MAP4: variants seen among roughly 807,000 people sequenced by gnomAD.
MAP4 encodes the protein microtubule associated protein 4.
In MAP4, 76 loss-of-function variants were observed where a neutral mutation model predicts 170.2. The ratio of observed to expected loss-of-function variants is 0.45; its 90% CI spans 0.37 to 0.54. The LOEUF (loss-of-function observed/expected upper bound fraction) is 0.54, where lower values mean the gene tolerates loss of function less well. MAP4 is among the 20% of genes least tolerant of loss of function. MAP4 has a pLI of 0.00. For missense variants in MAP4, 2,506 were observed against 2,748.0 expected, an observed-to-expected ratio of 0.91 and a Z score of 1.97; for synonymous variants, 909 against 994.5, an observed-to-expected ratio of 0.91 and a Z score of 1.62.
chr3:47,889,366 C>T (rs970181551), intron 10 of MAP4, among the ~76,000 whole-genome samples: 12 of 152,210 alleles, frequency 7.9e-5, no homozygotes, highest in Non-Finnish European at 1.5e-5. Context: ...TTCCAAGGCC[C>T]ACCTCAAATG....
At position 48,069,981 on chromosome 3, in the gene MAP4, A is replaced by T. The variant is rs1006958546; in HGVS notation, c.-20+18792T>A. Among the ~76,000 whole-genome samples, 20 of 151,660 alleles carry T rather than the reference A, an allele frequency of 1.3e-4. 1 individual carries two copies. The highest frequency in any genetic ancestry group is 5.3e-4 in the Admixed American group (8 of 15,154). On this transcript the variant is annotated intron_variant, in intron 1 of 18. Coordinates refer to the MAP4 transcript ENST00000360240. ...AAACTAGCAATATTAGTGAAAAAAA[A>T]TTTTTTTTCTGAGACAGGGTCTCAC... is the stretch of plus-strand genomic sequence containing the variant.
intron 3 of MAP4, among the ~76,000 whole-genome samples, chr3:47,962,450 G>A (rs559157506): frequency 1.5e-3 from 234 of 152,248 alleles, no homozygotes; most frequent in Middle Eastern, 3.4e-3. Context: ...GGGCAGGGTG[G>A]GGGAGGGGCG....
chr3:47,853,509 C>T (rs1018889676), intron 19 of MAP4, among the ~76,000 whole-genome samples, 157 bp from the exon 20 acceptor site: 7 of 151,754 alleles, frequency 4.6e-5, no homozygotes, highest in African/African-American at 7.3e-5. Context: ...GCAGGTGCCC[C>T]GGCCCCACCC....
At chr3:47,863,890 C>T (rs866406299) in intron 17 of MAP4, among the ~76,000 whole-genome samples, 4 of 140,942 alleles carry the variant, frequency 2.8e-5, no homozygotes, top group Admixed American at 7.1e-5. Context: ...GTGGTAACTG[C>T]GTTATTTCTG....
At chr3:47,870,443 T>G (rs1298433771) in intron 15 of MAP4, among the ~76,000 whole-genome samples, 3 of 152,178 alleles carry the variant, frequency 2.0e-5, no homozygotes, top group African/African-American at 7.2e-5. Flanking sequence ...ACATTCTCTG[T>G]GCAGGCTAAG....
At chr3:48,067,087 A>G (rs2100138706) in intron 1 of MAP4, among the ~76,000 whole-genome samples, 3 of 151,480 alleles carry the variant, frequency 2.0e-5, no homozygotes, top group Non-Finnish European at 4.4e-5. Flanking sequence ...TAATCCGCCC[A>G]CCTTAGCCTC....
chr3:48,024,625 C>A (rs926094222), intron 1 of MAP4, among the ~76,000 whole-genome samples: 1 of 152,128 alleles, frequency 6.6e-6, no homozygotes, highest in African/African-American at 2.4e-5. Flanking sequence ...TACATGACAG[C>A]CACAGGCTAA....
At chr3:48,064,485 C>T (rs920440487) in intron 1 of MAP4, among the ~76,000 whole-genome samples, 1 of 152,070 alleles carries the variant, frequency 6.6e-6, no homozygotes, top group Admixed American at 6.6e-5. Flanking sequence ...CACAAATTCT[C>T]GGACAGACTG....
chr3:47,896,831 A>G (rs966612735), intron 10 of MAP4, among the ~76,000 whole-genome samples: 2 of 152,246 alleles, frequency 1.3e-5, no homozygotes, highest in African/African-American at 4.8e-5. Flanking sequence ...AGGAAAGTAA[A>G]TAACCTATTC....
Position 47,872,972 on chromosome 3 carries a change from T to G in MAP4, c.5758-872A>C, listed in dbSNP as rs576231113. On this transcript the variant is annotated intron_variant, in intron 12 of 20. Coordinates refer to ENST00000683076, the MANE Select transcript of MAP4 (RefSeq NM_001385682.1). ...GCAGATGGAGAGGCCACTGGCCAAA[T>G]CTGGGACAGAAGCGTGAGCTGTAGC... 6.8e-4 allele frequency among the ~76,000 whole-genome samples: 104 copies of G among 152,284 alleles called. 1 individual carries two copies. Among genetic ancestry groups the G allele is most frequent in the African/African-American group, 2.4e-3 (100 of 41,556 alleles).
intron 3 of MAP4, among the ~76,000 whole-genome samples, chr3:47,930,854 G>T (rs2100049380): frequency 1.3e-5 from 2 of 151,360 alleles, no homozygotes; most frequent in African/African-American, 4.9e-5. Flanking sequence ...GCGTGAACCT[G>T]GTAGGCAGAG....
At chr3:47,953,872 G>A (rs1391641397) in intron 3 of MAP4, among the ~76,000 whole-genome samples, 1 of 152,016 alleles carries the variant, frequency 6.6e-6, no homozygotes, top group Non-Finnish European at 1.5e-5. Flanking sequence ...AAATTAGCCA[G>A]GTGTGGTGGT....
intron 10 of MAP4, chr3:47,877,770 G>C (rs1032085649): frequency 3.8e-6 from 1 of 264,504 alleles, no homozygotes; most frequent in African/African-American, 2.2e-5. Context: ...ATGCACAAAT[G>C]ATCAGTGGAA....
intron 1 of MAP4, among the ~76,000 whole-genome samples, chr3:48,004,101 C>T (rs1337210230): frequency 3.3e-5 from 5 of 152,158 alleles, no homozygotes; most frequent in Non-Finnish European, 7.4e-5. Context: ...CCTATTAGTT[C>T]TGTTCCTCTA....
At chr3:48,083,557 G>A (rs959941502) in intron 1 of MAP4, among the ~76,000 whole-genome samples, 5 of 151,514 alleles carry the variant, frequency 3.3e-5, no homozygotes, top group Non-Finnish European at 7.4e-5. Flanking sequence ...GTAGAGACGG[G>A]GTTTTTACCA....
chr3:47,859,960 G>A (rs1028736773), intron 17 of MAP4, among the ~76,000 whole-genome samples: 1 of 152,166 alleles, frequency 6.6e-6, no homozygotes, highest in Non-Finnish European at 1.5e-5. Flanking sequence ...GGGAAGAAAT[G>A]GCCAATTCAA....
At chr3:47,874,334 T>C (rs1187024872) in intron 12 of MAP4, among the ~76,000 whole-genome samples, 1 of 152,156 alleles carries the variant, frequency 6.6e-6, no homozygotes, top group African/African-American at 2.4e-5. Flanking sequence ...CCAGGCGTGG[T>C]GGCGGGTGCC....
intron 1 of MAP4, among the ~76,000 whole-genome samples, chr3:48,051,811 A>G (rs1342921641): frequency 6.6e-6 from 1 of 152,174 alleles, no homozygotes; most frequent in Non-Finnish European, 1.5e-5. Context: ...TCTTTTTTCT[A>G]TCATCTGTAT....
In MAP4 at chr3:47,911,622, T is replaced by C. The variant is rs1342319414; in HGVS notation, c.2799A>G (p.Ala933=). The C allele has an allele frequency of 4.6e-6, 7 of 1,536,032 alleles. No homozygotes were observed. Among genetic ancestry groups the C allele is most frequent in the African/African-American group, 1.4e-5 (1 of 73,048 alleles). Residue 933 remains alanine, a synonymous_variant, in exon 9 of 21, where the codon GCA becomes GCG. Coordinates refer to ENST00000683076, the MANE Select transcript of MAP4 (RefSeq NM_001385682.1). This position sits in a 1 kb window ranked among gnomAD's most constrained non-coding sequence, Gnocchi z 4.0. The part of the protein sequence containing the change: ...NLKGPLAEVS[A]YNVETPLDIR... The stretch of plus-strand genomic sequence containing the variant: ...TATCCAAAGGGGTTTCTACATTGTA[T>C]GCAGAAACTTCTGCTAGGGGTCCTT...
Sources: allele counts gnomAD v4.1 joint callset (sites outside exome capture counted in the v4.1 genomes callset), GRCh38; gene constraint gnomAD v4.1.1; non-coding constraint Gnocchi (gnomAD v3.1); transcripts MANE v1.5; gene names NCBI Gene and HGNC (gene_info 2026-07-23, HGNC 2026-07-21).